Variants in NAALADL2 observed in about 807,000 individuals in gnomAD.
NAALADL2 encodes the protein N-acetylated alpha-linked acidic dipeptidase like 2.
Under a neutral mutation model 87.2 loss-of-function variants are expected in NAALADL2, and 76 were observed. The ratio of observed to expected loss-of-function variants is 0.87; its 90% CI spans 0.72 to 1.05. The LOEUF (loss-of-function observed/expected upper bound fraction) is 1.05, where lower values mean the gene tolerates loss of function less well. Among genes scored for constraint, NAALADL2 ranks in the 50% least tolerant of loss-of-function variants. The pLI is 0.00. For missense variants in NAALADL2, 1,089 were observed against 945.8 expected (o/e 1.15, Z -1.99); for synonymous variants, 354 against 331.0 (o/e 1.07, Z -0.75).
intron 2 of NAALADL2, among the ~76,000 whole-genome samples, chr3:175,118,784 C>T (rs1304340631): frequency 6.6e-6 from 1 of 151,746 alleles, no homozygotes; most frequent in African/African-American, 2.4e-5. Flanking sequence ...ATGACACCAG[C>T]TGCCCATTTA....
At chr3:175,364,384 G>GA (rs1421412616) in intron 5 of NAALADL2, among the ~76,000 whole-genome samples, 1 of 147,922 alleles carries the variant, frequency 6.8e-6, no homozygotes. Context: ...GAAGGCAAGA[G>GA]AAAAGATGGC....
intron 1 of NAALADL2, among the ~76,000 whole-genome samples, chr3:174,882,804 T>C (rs1049898558): frequency 4.8e-5 from 5 of 104,754 alleles, no homozygotes; most frequent in Admixed American, 1.8e-4. Flanking sequence ...TACACGTGTG[T>C]ATATGTGCAT....
At chr3:174,958,700 A>G (rs1335601259) in intron 1 of NAALADL2, among the ~76,000 whole-genome samples, 1 of 152,070 alleles carries the variant, frequency 6.6e-6, no homozygotes, top group Non-Finnish European at 1.5e-5. Flanking sequence ...TTTTCTTCTT[A>G]CATTACAAAT....
At chr3:175,147,966 A>C (rs1162303673) in intron 2 of NAALADL2, among the ~76,000 whole-genome samples, 10 of 151,764 alleles carry the variant, frequency 6.6e-5, no homozygotes, top group Non-Finnish European at 1.3e-4. Context: ...GCTATATGGG[A>C]GGCTGAGACA....
At chr3:175,214,202 C>G (rs549815686) in intron 2 of NAALADL2, among the ~76,000 whole-genome samples, 1 of 151,986 alleles carries the variant, frequency 6.6e-6, no homozygotes, top group Admixed American at 6.6e-5. Flanking sequence ...AGCATTTTTA[C>G]CTAATAAATC....
At chr3:175,325,506 G>T (rs1760597758) in intron 5 of NAALADL2, among the ~76,000 whole-genome samples, 1 of 152,128 alleles carries the variant, frequency 6.6e-6, no homozygotes, top group Admixed American at 6.5e-5. Flanking sequence ...TCTCTCATTT[G>T]CAAATACACT....
chr3:174,703,982 G>GA (rs1334071305), intron 2 of NAALADL2, among the ~76,000 whole-genome samples: 1 of 152,154 alleles, frequency 6.6e-6, no homozygotes. Flanking sequence ...ACTTGCTGGA[G>GA]AAAAGGAGAA....
chr3:175,494,464 C>T (rs1728534787), intron 9 of NAALADL2, among the ~76,000 whole-genome samples: 1 of 152,026 alleles, frequency 6.6e-6, no homozygotes, highest in Admixed American at 6.6e-5. Flanking sequence ...CTGTCTGACT[C>T]GAGTTCCTAG....
chr3:175,248,501 T>G (rs1422006910), intron 3 of NAALADL2, among the ~76,000 whole-genome samples: 1 of 152,122 alleles, frequency 6.6e-6, no homozygotes, highest in Non-Finnish European at 1.5e-5. Flanking sequence ...TCAACACATC[T>G]TGTCTCACTT....
intron 3 of NAALADL2, among the ~76,000 whole-genome samples, chr3:174,853,273 G>A (rs1442685189): frequency 4.8e-5 from 7 of 146,556 alleles, no homozygotes; most frequent in African/African-American, 1.8e-4. Context: ...AGCTACTCAG[G>A]AGGCTGAGGC....
At chr3:175,053,205 C>T (rs1755643503) in intron 1 of NAALADL2, among the ~76,000 whole-genome samples, 1 of 152,142 alleles carries the variant, frequency 6.6e-6, no homozygotes, top group South Asian at 2.1e-4. Context: ...TGATTACATC[C>T]AGGCATTATT....
chr3:175,056,411 G>A (rs1712179264), intron 1 of NAALADL2, among the ~76,000 whole-genome samples: 1 of 152,108 alleles, frequency 6.6e-6, no homozygotes, highest in African/African-American at 2.4e-5. Context: ...TGCTTTAAGA[G>A]TACTCAGGTG....
intron 11 of NAALADL2, chr3:175,676,458 A>G (rs1242358669): frequency 6.6e-6 from 1 of 152,268 alleles, no homozygotes; most frequent in Non-Finnish European, 1.5e-5. Flanking sequence ...TTGAGCTTGA[A>G]TGGCAATGGG....
intron 10 of NAALADL2, among the ~76,000 whole-genome samples, chr3:175,613,032 C>G (rs1724850745): frequency 6.6e-6 from 1 of 152,090 alleles, no homozygotes; most frequent in Admixed American, 6.6e-5. Flanking sequence ...ACAGCTAGGG[C>G]TCTGAGACTT....
chr3:175,357,817 A>G (rs1187041881), intron 5 of NAALADL2, among the ~76,000 whole-genome samples: 1 of 152,190 alleles, frequency 6.6e-6, no homozygotes, highest in Non-Finnish European at 1.5e-5. Context: ...CTTAAGTATT[A>G]TAAATGAATG....
Position 175,166,910 on chromosome 3 carries a change from C to T in NAALADL2, c.546-67021C>T, listed in dbSNP as rs1734084782. 2.6e-5 allele frequency among the ~76,000 whole-genome samples: 4 copies of T among 152,176 alleles called. No homozygotes were observed. The South Asian group carries it at 8.3e-4, about 32-fold the overall frequency. ...TTAATAAGTGAGATCACCTTCCACCCAGCTGCTCAGCCCCTAACTCACCTC... is the reference window on the plus strand; with the variant it reads ...TTAATAAGTGAGATCACCTTCCACCTAGCTGCTCAGCCCCTAACTCACCTC... On this transcript the variant is annotated intron_variant, in intron 2 of 13. Transcript: ENST00000454872.
intron 3 of NAALADL2, among the ~76,000 whole-genome samples, chr3:174,849,643 G>C (rs1387997333): frequency 6.7e-6 from 1 of 148,964 alleles, no homozygotes; most frequent in African/African-American, 2.5e-5. Flanking sequence ...GCTAAGGAAG[G>C]AGAATTGCTT....
At chr3:175,707,811 A>T (rs1739936899) in intron 11 of NAALADL2, among the ~76,000 whole-genome samples, 1 of 152,116 alleles carries the variant, frequency 6.6e-6, no homozygotes, top group Non-Finnish European at 1.5e-5. Context: ...GATGAGGTTT[A>T]GAATTAAGTT....
chr3:175,056,838 A>T (rs1019336750), intron 1 of NAALADL2, among the ~76,000 whole-genome samples: 3 of 152,160 alleles, frequency 2.0e-5, no homozygotes, highest in Non-Finnish European at 4.4e-5. Context: ...GTTTAAGAAA[A>T]CCCGTAAGCA....
Sources: allele counts gnomAD v4.1 joint callset (sites outside exome capture counted in the v4.1 genomes callset), GRCh38; gene constraint gnomAD v4.1.1; transcripts MANE v1.5; gene names NCBI Gene and HGNC (gene_info 2026-07-23, HGNC 2026-07-21).